RBFOX1: variants seen among roughly 807,000 people sequenced by gnomAD.
RBFOX1 encodes RNA binding protein fox-1 homolog 1.
RBFOX1 carries 8 observed loss-of-function variants against 57.7 expected under a neutral mutation model. The ratio of observed to expected loss-of-function variants is 0.14; its 90% confidence interval spans 0.08 to 0.25. The LOEUF is 0.25. Ranked by LOEUF, RBFOX1 falls within the 10% of genes least tolerant of loss-of-function variation. The probability of loss-of-function intolerance (pLI) is 1.00; values close to 1 mark genes in which losing one functional copy is unlikely to be tolerated. For missense variants in RBFOX1, 611 were observed against 548.5 expected (o/e 1.11, Z -1.14); for synonymous variants, 326 against 222.4 (o/e 1.47, Z -4.15).
Position 5,277,195 on chromosome 16 carries a change from G to A in RBFOX1, c.219+37090G>A, listed in dbSNP as rs146497485. 3.3e-3 allele frequency among the ~76,000 whole-genome samples: 502 copies of A among 152,170 alleles called. 3 individuals carry two copies. Among genetic ancestry groups the A allele is most frequent in the Middle Eastern group, 6.8e-3 (2 of 294 alleles). Reference sequence around the variant, plus strand: ...GTTGGAGAGCATTATTCTAAATGAAGTAACTCAGGAATGGAAAAACAAACA... The same window carrying A: ...GTTGGAGAGCATTATTCTAAATGAAATAACTCAGGAATGGAAAAACAAACA... On this transcript the variant is annotated intron_variant, in intron 1 of 2. Coordinates refer to the RBFOX1 transcript ENST00000585867.
chr16:6,681,311 C>T (rs1018753600), intron 3 of RBFOX1, among the ~76,000 whole-genome samples: 10 of 150,466 alleles, frequency 6.6e-5, no homozygotes, highest in African/African-American at 2.2e-4. Context: ...GAGCAAGAGC[C>T]TGTCTGGAAA....
At chr16:6,200,235 G>C (rs1364538390) in intron 1 of RBFOX1, among the ~76,000 whole-genome samples, 1 of 152,186 alleles carries the variant, frequency 6.6e-6, no homozygotes, top group Non-Finnish European at 1.5e-5. Flanking sequence ...GCGGCCTCAA[G>C]AACAGCCGGG....
chr16:6,938,859 G>C (rs7185346), intron 3 of RBFOX1, among the ~76,000 whole-genome samples: 5,464 of 152,224 alleles, frequency 0.036, 329 homozygotes, highest in African/African-American at 0.12. Context: ...TTGAACCTGA[G>C]AGGCAGAGGT....
chr16:6,601,014 C>T (rs758920523), intron 2 of RBFOX1, among the ~76,000 whole-genome samples: 3 of 151,980 alleles, frequency 2.0e-5, no homozygotes, highest in Non-Finnish European at 4.4e-5. Flanking sequence ...TGAGAAAGGA[C>T]ATAGAAGGTA....
intron 3 of RBFOX1, among the ~76,000 whole-genome samples, chr16:5,700,170 T>C (rs527884266): frequency 1.2e-4 from 19 of 152,342 alleles, no homozygotes; most frequent in Non-Finnish European, 2.5e-4. Flanking sequence ...TAGTTTAATA[T>C]TTTTTGAAAT....
In RBFOX1 at chr16:5,794,973, G is replaced by C. The variant is rs8055408; in HGVS notation, c.319-72330G>C. The stretch of plus-strand genomic sequence containing the variant: ...ACCCACTCTCATCTCACTGGGTCTT[G>C]AGAAGGAGTCACATTCAAGCCAACA... On this transcript the variant is annotated intron_variant, in intron 3 of 19. Transcript: ENST00000641259. Among the ~76,000 whole-genome samples the C allele has an allele frequency of 6.1e-3, 926 of 152,286 alleles. 11 individuals are homozygous for C. The highest frequency in any genetic ancestry group is 0.02 in the African/African-American group (842 of 41,568).
intron 1 of RBFOX1, among the ~76,000 whole-genome samples, chr16:5,363,199 ATTTT>A (rs533158906): frequency 4.1e-5 from 5 of 121,744 alleles, no homozygotes; most frequent in African/African-American, 6.0e-5. Context: ...GCCCCTGGCT[ATTTT>A]TTTTTTTTTT....
intron 4 of RBFOX1, among the ~76,000 whole-genome samples, chr16:7,062,317 CAAAAA>C (rs57989614): frequency 1.5e-5 from 1 of 65,340 alleles, no homozygotes; most frequent in Non-Finnish European, 2.8e-5. Flanking sequence ...GACTCCATCT[CAAAAA>C]AAAAAAAAAA....
At chr16:5,539,230 C>G (rs958383835) in intron 2 of RBFOX1, among the ~76,000 whole-genome samples, 5 of 152,138 alleles carry the variant, frequency 3.3e-5, no homozygotes, top group African/African-American at 1.2e-4. Context: ...GCATGTGAGG[C>G]TGGGGCTTCA....
chr16:5,904,131 A>C (rs1160437892), intron 4 of RBFOX1, among the ~76,000 whole-genome samples: 2 of 152,124 alleles, frequency 1.3e-5, no homozygotes, highest in East Asian at 3.9e-4. Context: ...TCCGCAGAGT[A>C]ATTGGATCAT....
chr16:7,017,368 G>C (rs1164327713), intron 3 of RBFOX1, among the ~76,000 whole-genome samples: 3 of 152,108 alleles, frequency 2.0e-5, no homozygotes, highest in Non-Finnish European at 2.9e-5. Flanking sequence ...CAGTGCTAAC[G>C]GAGCTGAAAT....
intron 4 of RBFOX1, among the ~76,000 whole-genome samples, chr16:7,368,218 G>A (rs1373533728): frequency 1.3e-5 from 2 of 149,472 alleles, no homozygotes; most frequent in Non-Finnish European, 3.0e-5. Context: ...AATAAGCCAA[G>A]ATCCTGCCAC....
At chr16:5,614,465 G>C (rs1316052422) in intron 3 of RBFOX1, among the ~76,000 whole-genome samples, 1 of 152,066 alleles carries the variant, frequency 6.6e-6, no homozygotes, top group Non-Finnish European at 1.5e-5. Flanking sequence ...TAATTACTCA[G>C]ACATAAATGA....
At chr16:7,325,837 T>A (rs540792736) in intron 4 of RBFOX1, among the ~76,000 whole-genome samples, 10 of 152,214 alleles carry the variant, frequency 6.6e-5, no homozygotes, top group African/African-American at 1.4e-4. Context: ...CTAAATATTA[T>A]GTAGCATCTC....
At chr16:6,557,056 CATAT>C (rs947466412) in intron 2 of RBFOX1, among the ~76,000 whole-genome samples, 1 of 141,714 alleles carries the variant, frequency 7.1e-6, no homozygotes, top group African/African-American at 2.6e-5. Flanking sequence ...CATATATATA[CATAT>C]ATACATACAT....
chr16:7,593,882 C>G (rs1424583991), intron 7 of RBFOX1, among the ~76,000 whole-genome samples: 1 of 152,166 alleles, frequency 6.6e-6, no homozygotes. Flanking sequence ...CATCTACCCT[C>G]ACTTGAATAC....
At chr16:5,707,763 A>G (rs766709135) in intron 3 of RBFOX1, among the ~76,000 whole-genome samples, 9 of 152,218 alleles carry the variant, frequency 5.9e-5, no homozygotes, top group Non-Finnish European at 1.3e-4. Context: ...GGGGATTAGG[A>G]AAACCTGTGT....
At chr16:7,067,988 C>T (rs1319230963) in intron 4 of RBFOX1, among the ~76,000 whole-genome samples, 1 of 145,646 alleles carries the variant, frequency 6.9e-6, no homozygotes, top group Non-Finnish European at 1.5e-5. Context: ...TGGCTCCTTC[C>T]TTCATCTTTA....
intron 3 of RBFOX1, among the ~76,000 whole-genome samples, chr16:6,921,645 ATT>A (rs372298051): frequency 2.0e-4 from 11 of 55,268 alleles, no homozygotes; most frequent in African/African-American, 6.2e-4. Context: ...ATATATATAT[ATT>A]TTTTTTTTTC....
Sources: gnomAD v4.1 joint callset for allele counts (sites outside exome capture counted in the v4.1 genomes callset) on GRCh38, gnomAD v4.1.1 for gene constraint, MANE v1.5 for transcripts, NCBI Gene and HGNC (gene_info 2026-07-23, HGNC 2026-07-21) for gene names.